Variants in SNX14 observed in about 807,000 individuals in gnomAD.
SNX14 encodes sorting nexin-14.
A neutral mutation model predicts 133.8 loss-of-function variants in SNX14; 93 were observed. The observed-to-expected ratio is 0.70, with a 90% confidence interval of 0.59 to 0.83. SNX14 has a LOEUF of 0.83. Ranked by LOEUF, SNX14 falls within the 40% of genes least tolerant of loss-of-function variation. The probability of loss-of-function intolerance (pLI) is 0.00; values close to 1 mark genes in which losing one functional copy is unlikely to be tolerated. For missense variants in SNX14, 945 were observed against 1,094.9 expected (o/e 0.86, Z 1.93); for synonymous variants, 368 against 365.6 (o/e 1.01, Z -0.07).
chr6:85,557,916 C>T (rs769274623), intron 7 of SNX14, 60 bp downstream of exon 7: 110 of 863,308 alleles, frequency 1.3e-4, no homozygotes, highest in African/African-American at 1.1e-3. Context: ...TTAGATATTT[C>T]GGGTGAAAAT....
intron 1 of SNX14, among the ~76,000 whole-genome samples, chr6:85,592,442 CG>C (rs1803099998): frequency 6.6e-6 from 1 of 152,152 alleles, no homozygotes; most frequent in Non-Finnish European, 1.5e-5. Flanking sequence ...AAACAGCTTG[CG>C]GATGCTGTCA....
chr6:85,563,240 GATATT>G (rs948993189), intron 6 of SNX14, among the ~76,000 whole-genome samples: 58 of 152,130 alleles, frequency 3.8e-4, no homozygotes, highest in African/African-American at 1.3e-3. Context: ...TAGTGGCAGA[GATATT>G]ATATATTAAT....
intron 21 of SNX14, among the ~76,000 whole-genome samples, chr6:85,524,656 C>T (rs1031863122): frequency 3.3e-5 from 5 of 151,862 alleles, no homozygotes; most frequent in African/African-American, 9.7e-5. Context: ...TCATGGTGGG[C>T]ACCTGTAATC....
intron 7 of SNX14, among the ~76,000 whole-genome samples, 182 bp from the exon 8 acceptor site, chr6:85,550,061 A>G (rs1787188365): frequency 6.6e-6 from 1 of 152,210 alleles, no homozygotes; most frequent in African/African-American, 2.4e-5. Flanking sequence ...AGCCTGGCCA[A>G]CATGGCACAA....
intron 6 of SNX14, among the ~76,000 whole-genome samples, chr6:85,558,367 T>G (rs1790431477): frequency 6.6e-6 from 1 of 152,248 alleles, no homozygotes. Flanking sequence ...CTCCAGTAAC[T>G]TATTATCCCT....
At chr6:85,584,637 CAT>C (rs1800081721) in intron 1 of SNX14, among the ~76,000 whole-genome samples, 1 of 152,128 alleles carries the variant, frequency 6.6e-6, no homozygotes. Flanking sequence ...AGCCAACAAA[CAT>C]ATGAAAAAAA....
intron 12 of SNX14, among the ~76,000 whole-genome samples, chr6:85,545,942 C>T (rs1785343910): frequency 6.6e-6 from 1 of 152,212 alleles, no homozygotes; most frequent in Non-Finnish European, 1.5e-5. Flanking sequence ...CTCGGCCTCC[C>T]GAAGTGCTGG....
chr6:85,542,425 C>T (rs540631120), intron 14 of SNX14, among the ~76,000 whole-genome samples: 6 of 152,262 alleles, frequency 3.9e-5, no homozygotes, highest in South Asian at 4.2e-4. Context: ...GACAGAGTCT[C>T]GCTTTGTTGC....
intron 1 of SNX14, among the ~76,000 whole-genome samples, chr6:85,575,885 G>A (rs542964880): frequency 2.0e-5 from 3 of 152,254 alleles, no homozygotes; most frequent in South Asian, 2.1e-4. Context: ...AAAGATATTC[G>A]CTCCATATCC....
intron 7 of SNX14, among the ~76,000 whole-genome samples, chr6:85,550,993 C>T (rs1787631981): frequency 6.6e-6 from 1 of 152,102 alleles, no homozygotes; most frequent in African/African-American, 2.4e-5. Flanking sequence ...GTTGGCCAGG[C>T]TGGTCTGGAA....
At chr6:85,521,757 T>C (rs576924079) in intron 21 of SNX14, among the ~76,000 whole-genome samples, 1 of 152,312 alleles carries the variant, frequency 6.6e-6, no homozygotes, top group Admixed American at 6.5e-5. Flanking sequence ...CTAGCCCCAT[T>C]TGTCTATTTT....
At chr6:85,543,800 T>A (rs758292629) in intron 12 of SNX14, 40 bp from the exon 13 acceptor site, 25 of 1,239,316 alleles carry the variant, frequency 2.0e-5, no homozygotes, top group African/African-American at 3.1e-5. Flanking sequence ...ATAATTTTAA[T>A]ATATAATTAT....
chr6:85,507,182 G>T, intron 28 of SNX14, 51 bp downstream of exon 28: 2 of 1,440,730 alleles, frequency 1.4e-6, no homozygotes, highest in Non-Finnish European at 1.9e-6. Context: ...TAAAATAAAT[G>T]TCAGCATACC....
chr6:85,506,472 A>G (rs1327972717), intron 28 of SNX14, among the ~76,000 whole-genome samples: 1 of 152,110 alleles, frequency 6.6e-6, no homozygotes, highest in East Asian at 1.9e-4. Context: ...ACTTGCCACC[A>G]AACCGAGATA....
intron 8 of SNX14, among the ~76,000 whole-genome samples, chr6:85,549,211 C>A (rs961689680): frequency 2.0e-5 from 3 of 151,550 alleles, no homozygotes; most frequent in Non-Finnish European, 4.4e-5. Context: ...AAAAATAAGC[C>A]ATGGTTACTC....
chr6:85,574,505 T>G, intron 1 of SNX14, 127 bp from the exon 2 acceptor site: 2 of 603,378 alleles, frequency 3.3e-6, no homozygotes, highest in South Asian at 6.5e-5. Flanking sequence ...TTTCAAATTA[T>G]GATTAATTTT....
intron 27 of SNX14, 61 bp downstream of exon 27, chr6:85,507,907 C>G: frequency 7.6e-7 from 1 of 1,319,280 alleles, no homozygotes; most frequent in African/African-American, 1.5e-5. Flanking sequence ...TTACCAGACA[C>G]CTTACTACGT....
chr6:85,568,662 G>A (rs954137145), intron 4 of SNX14, among the ~76,000 whole-genome samples: 1 of 152,134 alleles, frequency 6.6e-6, no homozygotes, highest in Non-Finnish European at 1.5e-5. Context: ...GGAACAAAAC[G>A]ACATATCTAA....
chr6:85,571,478 T>C (rs186014045), intron 4 of SNX14, among the ~76,000 whole-genome samples: 2 of 152,300 alleles, frequency 1.3e-5, no homozygotes, highest in Admixed American at 1.3e-4. Flanking sequence ...ATGCTATTCT[T>C]CAACTAATTA....
Sources: allele counts gnomAD v4.1 joint callset (sites outside exome capture counted in the v4.1 genomes callset), GRCh38; gene constraint gnomAD v4.1.1; transcripts MANE v1.5; gene names NCBI Gene and HGNC (gene_info 2026-07-23, HGNC 2026-07-21).